The following TRMT44 variants were observed in gnomAD, a reference collection of about 807,000 sequenced individuals.
TRMT44 encodes the protein probable tRNA (uracil-O(2)-)-methyltransferase.
TRMT44 carries 78 observed loss-of-function variants against 77.3 expected under a neutral mutation model. The observed-to-expected ratio is 1.01, with a 90% CI of 0.84 to 1.22. TRMT44 has a LOEUF of 1.22. TRMT44 is among the 50% of genes most tolerant of loss of function. The pLI, the probability that TRMT44 is intolerant of heterozygous loss-of-function variation, is 0.00. For synonymous variants in TRMT44, 391 were observed against 383.3 expected (o/e 1.02, Z -0.23); for missense variants, 1,090 against 964.4 (o/e 1.13, Z -1.73).
chr4:8,501,052 T>C, the TRMT44 span, among the ~76,000 whole-genome samples: 8 of 152,324 alleles, frequency 5.3e-5, no homozygotes, highest in Admixed American at 2.0e-4. This position sits in a 1 kb window ranked among gnomAD's most constrained non-coding sequence, Gnocchi z 4.4. Context: ...GAGGGAGCTC[T>C]GCCCTGGGCC....
the TRMT44 span, among the ~76,000 whole-genome samples, chr4:8,503,814 TC>T: frequency 6.6e-6 from 1 of 152,182 alleles, no homozygotes; most frequent in Non-Finnish European, 1.5e-5. Flanking sequence ...CCTGGTTGCT[TC>T]CCCTTCACCC....
chr4:8,485,419 TGGG>T (rs1291475358), intron 2 of TRMT44, among the ~76,000 whole-genome samples: 1 of 152,012 alleles, frequency 6.6e-6, no homozygotes, highest in Non-Finnish European at 1.5e-5. Context: ...ACAGGTAAAA[TGGG>T]GGAATTGTAA....
chr4:8,505,610 C>A, the TRMT44 span, among the ~76,000 whole-genome samples: 1 of 152,208 alleles, frequency 6.6e-6, no homozygotes, highest in Non-Finnish European at 1.5e-5. Context: ...CATGCCCATG[C>A]AACCCTAAGA....
the TRMT44 span, chr4:8,508,684 G>T: frequency 6.6e-6 from 1 of 152,268 alleles, no homozygotes; most frequent in African/African-American, 2.4e-5. Flanking sequence ...TGAGGTGCTG[G>T]CTTCTGCACC....
Position 8,441,067 on chromosome 4 carries a change from G to T in TRMT44, c.245G>T (p.Gly82Val), listed in dbSNP as rs1436990972. 5.4e-6 allele frequency: 8 copies of T among 1,487,850 alleles called. No homozygotes were observed. The African/African-American group carries it at 5.6e-5, about 10-fold the overall frequency. The allele number at this position is 1,487,850 out of a possible 1,614,324, so 92.2% of individuals were successfully genotyped here. ...PGPGQGSPGG[G>V]PGPRSLSGPE... ...CCCGGCCAGGGTTCCCCCGGAGGGG[G>T]CCCGGGTCCCAGGTCGCTATCAGGA... The change falls in exon 1 of 11, where the codon GGC (glycine) becomes GTC (valine). Residue 82 changes from glycine to valine, a missense_variant. By Grantham distance (109) the Gly-to-Val change is moderately radical. Coordinates refer to ENST00000389737, the MANE Select transcript of TRMT44 (RefSeq NM_152544.3).
At chr4:8,494,963 A>G (rs1728109370), downstream of TRMT44, among the ~76,000 whole-genome samples, 1 of 152,198 alleles carries the variant, frequency 6.6e-6, no homozygotes, top group Non-Finnish European at 1.5e-5. Context: ...ATCGCGATGT[A>G]GTGCATGGTA....
chr4:8,451,676 C>G lies in TRMT44; in HGVS notation c.955-284C>G, dbSNP rs1004442256. ...TGCATAGACAATGAGCACAGTGTAG[C>G]TAAGTGTTTCCTCTGTGTCCACTGC... On this transcript the variant is annotated intron_variant, in intron 3 of 10. Transcript: ENST00000389737. The surrounding 1 kb of genome is among the most constrained non-coding windows in gnomAD (Gnocchi z 4.1). Among the ~76,000 whole-genome samples, 1 of 152,214 alleles carries G rather than the reference C, an allele frequency of 6.6e-6. No homozygotes were observed. Among genetic ancestry groups the G allele is most frequent in the South Asian group, 2.1e-4 (1 of 4,822 alleles).
chr4:8,457,328 G>A (rs73089514), intron 6 of TRMT44, among the ~76,000 whole-genome samples: 11,363 of 152,250 alleles, frequency 0.075, 432 homozygotes, highest in Middle Eastern at 0.13. Context: ...GAAGGCCTGG[G>A]CAGCAAGAAC....
At position 8,449,607 on chromosome 4, in the gene TRMT44, G is replaced by A. The variant is rs946200776; in HGVS notation, c.735-62G>A. On this transcript the variant is annotated intron_variant, in intron 2 of 10. Transcript: ENST00000389737. ...GTTTTCTTCATTAGGTAAATAAATA[G>A]ATAATTTTAAAATAAGAATTGAACA... 24 of 1,288,810 alleles carry A rather than the reference G, an allele frequency of 1.9e-5. No individual in the cohort carries two copies. The African/African-American group carries it at 3.3e-4, about 18-fold the overall frequency. The allele number at this position is 1,288,810 out of a possible 1,614,324, so 79.8% of individuals were successfully genotyped here.
At chr4:8,479,631 T>G (rs893663871), downstream of TRMT44, 4 of 152,134 alleles carry the variant, frequency 2.6e-5, no homozygotes, top group Non-Finnish European at 5.9e-5. Context: ...TTCAGCTGAT[T>G]GGGGCCTGTG....
At chr4:8,475,264 G>A (rs1727298938) in intron 10 of TRMT44, among the ~76,000 whole-genome samples, 1 of 152,232 alleles carries the variant, frequency 6.6e-6, no homozygotes, top group Non-Finnish European at 1.5e-5. Context: ...CTGCAGCACA[G>A]ATGTTTTCTC....
At position 8,486,178 on chromosome 4, in the gene TRMT44, G is replaced by A. The variant is rs190130907; in HGVS notation, n.3891+6645G>A. Among the ~76,000 whole-genome samples the A allele has an allele frequency of 7.2e-4, 109 of 152,344 alleles. No homozygotes were observed. The Middle Eastern group carries it at 0.014, about 19-fold the overall frequency. ...TGGGGTCCCGCACAGATGGGACACA[G>A]CTTAGGGGGAATCTCGGGCTGCGGG... On this transcript the variant is annotated intron_variant and non_coding_transcript_variant, in intron 2 of 2. Coordinates refer to the TRMT44 transcript ENST00000511366.
At chr4:8,491,155 G>A (rs558306273) in intron 2 of TRMT44, among the ~76,000 whole-genome samples, 1 of 151,608 alleles carries the variant, frequency 6.6e-6, no homozygotes, top group South Asian at 2.1e-4. Flanking sequence ...TCCGATTGGT[G>A]TATTTACAAT....
At chr4:8,492,843 C>A (rs1460666141) in intron 2 of TRMT44, among the ~76,000 whole-genome samples, 2 of 152,184 alleles carry the variant, frequency 1.3e-5, no homozygotes, top group Non-Finnish European at 2.9e-5. Flanking sequence ...CGAGTTGTCC[C>A]ACCTTTCTGG....
Position 8,476,080 on chromosome 4 carries a change from TCTCTG to T in TRMT44, c.*85_*89del. On this transcript the variant is annotated 3_prime_UTR_variant, in exon 11 of 11. Coordinates refer to ENST00000389737, the MANE Select transcript of TRMT44 (RefSeq NM_152544.3). ...TCCCCAGCAGTCGTCAGTGCTGTGG[TCTCTG>T]CTCTGGCTGTGTTTCAGCCCACCTC... The T allele has an allele frequency of 7.4e-7, 1 of 1,348,386 alleles. No individual in the cohort carries two copies. The highest frequency in any genetic ancestry group is 1.0e-6 in the Non-Finnish European group (1 of 966,028). 83.5% of individuals were successfully genotyped at this position (1,348,386 alleles called of 1,614,324 possible). A position where few individuals can be genotyped will look rare whatever the true frequency, so the allele number is the denominator to read the frequency against.
chr4:8,496,528 G>C (rs1728156265), downstream of TRMT44, among the ~76,000 whole-genome samples: 1 of 152,222 alleles, frequency 6.6e-6, no homozygotes, highest in East Asian at 1.9e-4. Flanking sequence ...ACTGTCGGTT[G>C]CTACAGGGCA....
chr4:8,492,925 G>C (rs1484801474), intron 2 of TRMT44, among the ~76,000 whole-genome samples: 1 of 152,120 alleles, frequency 6.6e-6, no homozygotes, highest in Non-Finnish European at 1.5e-5. Context: ...AAACCAAGCT[G>C]TGCCCGACCA....
chr4:8,483,958 C>T (rs570673280), intron 2 of TRMT44, among the ~76,000 whole-genome samples: 2 of 152,078 alleles, frequency 1.3e-5, no homozygotes, highest in Non-Finnish European at 2.9e-5. Context: ...CCCTGAGCTT[C>T]ATGTGTAGGG....
intron 2 of TRMT44, among the ~76,000 whole-genome samples, chr4:8,492,335 A>G (rs958824789): frequency 2.6e-5 from 4 of 152,186 alleles, no homozygotes; most frequent in Admixed American, 2.6e-4. Context: ...TTCAACATCA[A>G]AAACATACTT....
Sources: gnomAD v4.1 joint callset for allele counts (sites outside exome capture counted in the v4.1 genomes callset) on GRCh38, gnomAD v4.1.1 for gene constraint, Gnocchi (gnomAD v3.1) non-coding constraint, MANE v1.5 for transcripts, NCBI Gene and HGNC (gene_info 2026-07-23, HGNC 2026-07-21) for gene names.